Variants in SGCZ observed in about 807,000 individuals in gnomAD.
The protein encoded by SGCZ is sarcoglycan zeta.
Under a neutral mutation model 41.3 loss-of-function variants are expected in SGCZ, and 40 were observed. The ratio of observed to expected loss-of-function variants is 0.97; its 90% CI spans 0.75 to 1.26. SGCZ has a LOEUF of 1.26. Ranked by LOEUF, SGCZ falls within the 50% of genes most tolerant of loss-of-function variation. The probability of loss-of-function intolerance (pLI) is 0.00; values close to 1 mark genes in which losing one functional copy is unlikely to be tolerated. For missense variants in SGCZ, 552 were observed against 369.8 expected (o/e 1.49, Z -4.04); for synonymous variants, 206 against 137.5 (o/e 1.50, Z -3.49).
intron 2 of SGCZ, among the ~76,000 whole-genome samples, chr8:14,538,644 C>T (rs1451524920): frequency 3.3e-5 from 5 of 151,872 alleles, no homozygotes; most frequent in Non-Finnish European, 5.9e-5. Context: ...CACAATAAGG[C>T]CTTTCTTGTA....
intron 2 of SGCZ, among the ~76,000 whole-genome samples, chr8:14,419,523 T>A (rs1309089461): frequency 6.6e-6 from 1 of 151,954 alleles, no homozygotes; most frequent in African/African-American, 2.4e-5. Context: ...AGCCATTTCA[T>A]CACCTTTCTA....
intron 1 of SGCZ, among the ~76,000 whole-genome samples, chr8:14,916,725 T>C (rs1400706250): frequency 1.3e-5 from 2 of 152,194 alleles, no homozygotes; most frequent in Non-Finnish European, 1.5e-5. Context: ...AGTTCCTCTT[T>C]TTGTACAGAA....
At chr8:14,648,422 TCAAA>T (rs1807293823) in intron 1 of SGCZ, among the ~76,000 whole-genome samples, 1 of 152,038 alleles carries the variant, frequency 6.6e-6, no homozygotes, top group African/African-American at 2.4e-5. Flanking sequence ...TTTATTTGGA[TCAAA>T]CAAACAAACC....
chr8:14,681,775 G>T (rs1015874222), intron 1 of SGCZ, among the ~76,000 whole-genome samples: 2 of 152,022 alleles, frequency 1.3e-5, no homozygotes, highest in Admixed American at 6.6e-5. Context: ...TTAGAGAGAG[G>T]TCTCTGCATG....
At chr8:14,663,193 T>C (rs1056038076) in intron 1 of SGCZ, among the ~76,000 whole-genome samples, 1 of 152,180 alleles carries the variant, frequency 6.6e-6, no homozygotes, top group Non-Finnish European at 1.5e-5. Flanking sequence ...ATAAGAATTC[T>C]TAAATAGGGA....
intron 1 of SGCZ, among the ~76,000 whole-genome samples, chr8:15,094,031 C>G (rs1806244579): frequency 6.6e-6 from 1 of 151,988 alleles, no homozygotes; most frequent in African/African-American, 2.4e-5. Context: ...TTAAAAGGAA[C>G]CAAATTAATT....
intron 1 of SGCZ, among the ~76,000 whole-genome samples, chr8:14,585,614 GTTA>G: frequency 6.6e-6 from 1 of 152,090 alleles, no homozygotes; most frequent in South Asian, 2.1e-4. Flanking sequence ...GCCTACAAAG[GTTA>G]TTATTTTATG....
intron 1 of SGCZ, among the ~76,000 whole-genome samples, chr8:14,563,319 G>A (rs1231083367): frequency 6.6e-6 from 1 of 152,140 alleles, no homozygotes; most frequent in African/African-American, 2.4e-5. Flanking sequence ...GTGGAAGAAG[G>A]AGGGCATAAG....
chr8:14,188,553 G>A (rs1804980328), intron 4 of SGCZ, among the ~76,000 whole-genome samples: 1 of 152,198 alleles, frequency 6.6e-6, no homozygotes, highest in Non-Finnish European at 1.5e-5. Flanking sequence ...GGACAGGTCT[G>A]TCGGTGCTGA....
chr8:14,379,395 A>T (rs1466605068), intron 2 of SGCZ, among the ~76,000 whole-genome samples: 1 of 152,188 alleles, frequency 6.6e-6, no homozygotes, highest in Non-Finnish European at 1.5e-5. Flanking sequence ...AGTGCACAAG[A>T]TAATGTAGTT....
chr8:15,065,538 A>C (rs140520314), intron 1 of SGCZ, among the ~76,000 whole-genome samples: 5,833 of 151,572 alleles, frequency 0.038, 143 homozygotes, highest in Non-Finnish European at 0.057. Flanking sequence ...TCCACCTCCT[A>C]GGCTCAAGCC....
intron 2 of SGCZ, among the ~76,000 whole-genome samples, chr8:14,349,082 T>A (rs1377544065): frequency 6.6e-6 from 1 of 152,082 alleles, no homozygotes; most frequent in African/African-American, 2.4e-5. Context: ...ACATTGTAAA[T>A]TGTGGGTAGA....
intron 5 of SGCZ, among the ~76,000 whole-genome samples, chr8:14,160,583 C>T (rs1478028): frequency 1.3e-5 from 2 of 152,330 alleles, no homozygotes; most frequent in Non-Finnish European, 2.9e-5. Context: ...TATCATTATA[C>T]TAAGATTTAA....
chr8:14,418,084 T>A (rs1030566888), intron 2 of SGCZ, among the ~76,000 whole-genome samples: 2 of 151,900 alleles, frequency 1.3e-5, no homozygotes, highest in Non-Finnish European at 1.5e-5. Flanking sequence ...TGTTGTGAAT[T>A]CAAGGTGAAT....
At chr8:14,658,849 G>T (rs993260224) in intron 1 of SGCZ, among the ~76,000 whole-genome samples, 2 of 150,936 alleles carry the variant, frequency 1.3e-5, no homozygotes, top group African/African-American at 4.9e-5. Context: ...TAATAAACAT[G>T]AATTGAAGGA....
intron 1 of SGCZ, among the ~76,000 whole-genome samples, chr8:14,762,074 T>C (rs935896811): frequency 1.3e-5 from 2 of 152,190 alleles, no homozygotes; most frequent in Non-Finnish European, 2.9e-5. Flanking sequence ...AGATGCCACA[T>C]TGACATGGAA....
intron 1 of SGCZ, among the ~76,000 whole-genome samples, chr8:14,594,669 G>T (rs10101170): frequency 6.6e-6 from 1 of 151,606 alleles, no homozygotes; most frequent in Admixed American, 6.6e-5. Flanking sequence ...CTCTAAAAGG[G>T]CATGGGTTAC....
intron 2 of SGCZ, among the ~76,000 whole-genome samples, chr8:14,519,598 T>C (rs1363128809): frequency 6.6e-6 from 1 of 152,128 alleles, no homozygotes; most frequent in Non-Finnish European, 1.5e-5. Flanking sequence ...ATGGGTAGTG[T>C]GCTAAGAATC....
At chr8:15,021,462 C>A (rs73665371) in intron 1 of SGCZ, among the ~76,000 whole-genome samples, 13,157 of 152,188 alleles carry the variant, frequency 0.086, 706 homozygotes, top group African/African-American at 0.15. Context: ...GTTGGCTTAT[C>A]TGAGGTTGTA....
Sources: allele counts gnomAD v4.1 joint callset (sites outside exome capture counted in the v4.1 genomes callset), GRCh38; gene constraint gnomAD v4.1.1; transcripts MANE v1.5; gene names NCBI Gene and HGNC (gene_info 2026-07-23, HGNC 2026-07-21).